The following CDKAL1 variants were observed in gnomAD, a reference collection of about 807,000 sequenced individuals.
CDKAL1 encodes the protein CDKAL1 threonylcarbamoyladenosine tRNA methylthiotransferase.
In CDKAL1, 32 loss-of-function variants were observed where a neutral mutation model predicts 68.2. That is an observed-to-expected ratio of 0.47 (90% CI 0.35 to 0.63). The LOEUF (loss-of-function observed/expected upper bound fraction) is 0.63. CDKAL1 is among the 30% of genes least tolerant of loss of function. The pLI, the probability that CDKAL1 is intolerant of heterozygous loss-of-function variation, is 0.00. For missense variants in CDKAL1, 606 were observed against 696.7 expected (o/e 0.87, Z 1.47); for synonymous variants, 234 against 244.3 (o/e 0.96, Z 0.39).
At position 21,125,134 on chromosome 6, in the gene CDKAL1, C is replaced by T. The variant is rs535404257; in HGVS notation, c.1299+16671C>T. ...TGAATTATAATCCACATAACCCCCA[C>T]GTGTCAAGGGAGAAGCCAGGTGGAG... On this transcript the variant is annotated intron_variant, in intron 13 of 15. Transcript: ENST00000274695. 9.2e-5 allele frequency among the ~76,000 whole-genome samples: 14 copies of T among 152,290 alleles called. No homozygotes were observed. The South Asian group carries it at 2.7e-3, about 29-fold the overall frequency.
chr6:21,074,931 A>G (rs566633900), intron 12 of CDKAL1, among the ~76,000 whole-genome samples: 4 of 152,058 alleles, frequency 2.6e-5, no homozygotes, highest in Non-Finnish European at 5.9e-5. Flanking sequence ...CATTGTACCC[A>G]AAATGTAGTG....
intron 5 of CDKAL1, among the ~76,000 whole-genome samples, chr6:20,712,702 T>G (rs1320971936): frequency 6.6e-6 from 1 of 152,032 alleles, no homozygotes; most frequent in Non-Finnish European, 1.5e-5. Context: ...TGGAGCGCAA[T>G]GGCACAATCT....
chr6:20,781,031 A>G (rs1040212812), intron 7 of CDKAL1, 114 bp from the exon 8 acceptor site: 10 of 1,035,532 alleles, frequency 9.7e-6, no homozygotes, highest in Middle Eastern at 2.1e-4. Context: ...TCACTCTTCT[A>G]TGTTGTTTCC....
chr6:20,871,689 C>T (rs1009786208), intron 9 of CDKAL1, among the ~76,000 whole-genome samples: 2 of 152,100 alleles, frequency 1.3e-5, no homozygotes, highest in Non-Finnish European at 2.9e-5. Context: ...GTTGATAGAT[C>T]CTTCAAGGTT....
chr6:20,831,379 C>T (rs1777711249), intron 8 of CDKAL1, among the ~76,000 whole-genome samples: 1 of 151,616 alleles, frequency 6.6e-6, no homozygotes. Flanking sequence ...CCAATTCATT[C>T]AACTTTTGAA....
chr6:20,912,646 A>AT (rs367600345), intron 9 of CDKAL1, among the ~76,000 whole-genome samples: 7,982 of 152,044 alleles, frequency 0.052, 293 homozygotes, highest in Middle Eastern at 0.082. Context: ...TACTAGACAT[A>AT]TTTTTTTTAA....
intron 12 of CDKAL1, among the ~76,000 whole-genome samples, chr6:21,097,861 A>G (rs747250706): frequency 2.0e-5 from 3 of 152,266 alleles, no homozygotes; most frequent in Non-Finnish European, 4.4e-5. Flanking sequence ...TTATAGTTAC[A>G]AAAGTAATAA....
At chr6:20,870,434 G>A (rs2150540112) in intron 9 of CDKAL1, among the ~76,000 whole-genome samples, 1 of 152,256 alleles carries the variant, frequency 6.6e-6, no homozygotes, top group African/African-American at 2.4e-5. Context: ...AAACTCATTA[G>A]GGCAGCAACA....
intron 8 of CDKAL1, among the ~76,000 whole-genome samples, chr6:20,808,227 A>C (rs1345873447): frequency 2.0e-5 from 3 of 152,180 alleles, no homozygotes; most frequent in Non-Finnish European, 4.4e-5. Context: ...CACAGAGAAA[A>C]AATTCTATTC....
At chr6:20,631,163 C>T (rs1767657932) in intron 4 of CDKAL1, among the ~76,000 whole-genome samples, 1 of 152,172 alleles carries the variant, frequency 6.6e-6, no homozygotes, top group African/African-American at 2.4e-5. Context: ...GTTCTGCCCA[C>T]CTGTTACGCC....
At chr6:20,600,232 C>G (rs754310269) in intron 4 of CDKAL1, among the ~76,000 whole-genome samples, 22 of 151,976 alleles carry the variant, frequency 1.4e-4, no homozygotes, top group Non-Finnish European at 2.2e-4. Context: ...GTTGGCAATT[C>G]TTTTTATTAA....
chr6:20,740,064 C>T (rs1401965127), intron 6 of CDKAL1, among the ~76,000 whole-genome samples: 2 of 152,210 alleles, frequency 1.3e-5, no homozygotes, highest in Non-Finnish European at 1.5e-5. Context: ...TCTGCCTACT[C>T]CGTGTAGTCC....
intron 15 of CDKAL1, among the ~76,000 whole-genome samples, chr6:21,220,208 G>GTA (rs1779488388): frequency 6.6e-6 from 1 of 152,132 alleles, no homozygotes; most frequent in Non-Finnish European, 1.5e-5. Flanking sequence ...GTGCGTGTGT[G>GTA]TGTGTGTGTG....
chr6:20,691,459 C>T (rs560597795), intron 5 of CDKAL1, among the ~76,000 whole-genome samples: 11 of 152,070 alleles, frequency 7.2e-5, no homozygotes, highest in East Asian at 1.9e-4. Context: ...TGAAAGTCAT[C>T]GCTGGCAGAG....
chr6:20,909,010 G>A (rs529912225), intron 9 of CDKAL1, among the ~76,000 whole-genome samples: 1 of 152,178 alleles, frequency 6.6e-6, no homozygotes, highest in African/African-American at 2.4e-5. Flanking sequence ...TGAACGTTCT[G>A]GCTGTTCCCC....
chr6:20,676,761 A>G (rs1383891800), intron 5 of CDKAL1, among the ~76,000 whole-genome samples: 3 of 152,088 alleles, frequency 2.0e-5, no homozygotes, highest in African/African-American at 4.8e-5. Context: ...TGGATATACA[A>G]TACTTACTAC....
intron 15 of CDKAL1, among the ~76,000 whole-genome samples, chr6:21,219,686 T>C (rs1375952328): frequency 6.6e-6 from 1 of 152,188 alleles, no homozygotes; most frequent in Non-Finnish European, 1.5e-5. Flanking sequence ...ATTTCCAGTG[T>C]CACTGAAAAT....
intron 10 of CDKAL1, among the ~76,000 whole-genome samples, chr6:20,999,859 G>A (rs1046260955): frequency 6.6e-6 from 1 of 152,062 alleles, no homozygotes; most frequent in Admixed American, 6.5e-5. Flanking sequence ...AAATACTGAT[G>A]TTTTTCCCAC....
At chr6:21,157,366 A>G (rs1776695770) in intron 13 of CDKAL1, among the ~76,000 whole-genome samples, 1 of 152,112 alleles carries the variant, frequency 6.6e-6, no homozygotes, top group Non-Finnish European at 1.5e-5. Context: ...GCTACTCAGG[A>G]GGTTGAAGTG....
Sources: allele counts gnomAD v4.1 joint callset (sites outside exome capture counted in the v4.1 genomes callset), GRCh38; gene constraint gnomAD v4.1.1; transcripts MANE v1.5; gene names NCBI Gene and HGNC (gene_info 2026-07-23, HGNC 2026-07-21).